Variants in SNTG2 observed in about 807,000 individuals in gnomAD.
The protein encoded by SNTG2 is gamma-2-syntrophin.
SNTG2 carries 74 observed loss-of-function variants against 70.9 expected under a neutral mutation model. The observed-to-expected ratio is 1.04, with a 90% CI of 0.86 to 1.27. The LOEUF is 1.27. Among genes scored for constraint, SNTG2 ranks in the 50% most tolerant of loss-of-function variants. The probability of loss-of-function intolerance (pLI) is 0.00; values close to 1 mark genes in which losing one functional copy is unlikely to be tolerated. For synonymous variants in SNTG2, 278 were observed against 273.8 expected (o/e 1.02, Z -0.15); for missense variants, 717 against 690.7 (o/e 1.04, Z -0.43).
At position 1,053,938 on chromosome 2, in the gene SNTG2, C is replaced by G. The variant is rs548314639; in HGVS notation, c.73-29580C>G. ...CCCTCCTCTCCTCCCTCCCGCCCCC[C>G]TCTTGCTTCCATATGAGTGGGAGAC... On this transcript the variant is annotated intron_variant, in intron 1 of 16. Coordinates refer to ENST00000308624, the MANE Select transcript of SNTG2 (RefSeq NM_018968.4). Among the ~76,000 whole-genome samples the G allele has an allele frequency of 1.2e-3, 178 of 151,796 alleles. 1 individual carries two copies. Among genetic ancestry groups the G allele is most frequent in the African/African-American group, 4.1e-3 (170 of 41,348 alleles).
intron 11 of SNTG2, among the ~76,000 whole-genome samples, chr2:1,244,477 A>G (rs28671706): frequency 6.6e-6 from 1 of 152,096 alleles, no homozygotes; most frequent in African/African-American, 2.4e-5. Context: ...CTGGCGGATC[A>G]CGAGGGCAGG....
chr2:1,309,515 G>A (rs1272406297), intron 15 of SNTG2, among the ~76,000 whole-genome samples: 1 of 152,256 alleles, frequency 6.6e-6, no homozygotes, highest in East Asian at 1.9e-4. Context: ...TCTATTGTCA[G>A]GACTTGGTGG....
intron 14 of SNTG2, among the ~76,000 whole-genome samples, chr2:1,306,259 G>A (rs9752291): frequency 0.03 from 4,570 of 152,016 alleles, 210 homozygotes; most frequent in African/African-American, 0.1. Flanking sequence ...TGTGTGTGGC[G>A]TTGGCTGGAT....
chr2:1,043,453 T>TG (rs1251104455), intron 1 of SNTG2, among the ~76,000 whole-genome samples: 3 of 152,224 alleles, frequency 2.0e-5, no homozygotes, highest in Non-Finnish European at 2.9e-5. Context: ...TTGTTTCTGT[T>TG]GCAATTGCAT....
At chr2:1,326,546 A>G (rs955389715) in intron 16 of SNTG2, among the ~76,000 whole-genome samples, 5 of 152,194 alleles carry the variant, frequency 3.3e-5, no homozygotes, top group African/African-American at 1.2e-4. Context: ...GCAGTTTTCG[A>G]AACAATTAAC....
intron 16 of SNTG2, among the ~76,000 whole-genome samples, chr2:1,338,061 T>C (rs1659906424): frequency 6.6e-6 from 1 of 152,232 alleles, no homozygotes; most frequent in South Asian, 2.1e-4. Context: ...ATTCCATTCA[T>C]CTGTATGTCT....
chr2:1,162,528 G>A (rs115613277), intron 6 of SNTG2, among the ~76,000 whole-genome samples: 5,300 of 152,170 alleles, frequency 0.035, 314 homozygotes, highest in African/African-American at 0.12. Flanking sequence ...TACAGTGGCT[G>A]TCACTTGCTG....
chr2:979,776 T>G (rs1332338483), intron 1 of SNTG2, among the ~76,000 whole-genome samples: 2 of 152,338 alleles, frequency 1.3e-5, no homozygotes, highest in Non-Finnish European at 2.9e-5. Flanking sequence ...TTTTCCATTT[T>G]AAGATCTTTT....
At chr2:1,096,086 T>C (rs993005790) in intron 2 of SNTG2, among the ~76,000 whole-genome samples, 5 of 152,192 alleles carry the variant, frequency 3.3e-5, no homozygotes, top group Non-Finnish European at 7.3e-5. Context: ...ACCGTCCATG[T>C]GTTGAGGAGG....
At chr2:1,082,866 A>G (rs1459750326) in intron 1 of SNTG2, among the ~76,000 whole-genome samples, 1 of 152,214 alleles carries the variant, frequency 6.6e-6, no homozygotes, top group Non-Finnish European at 1.5e-5. Context: ...ATCTGCTGAC[A>G]AAGCTGATAG....
chr2:1,166,404 C>T (rs1351661936), intron 7 of SNTG2, among the ~76,000 whole-genome samples: 1 of 152,154 alleles, frequency 6.6e-6, no homozygotes, highest in African/African-American at 2.4e-5. Flanking sequence ...GCTGTCCTTC[C>T]TGTCACTCTC....
chr2:995,101 T>G (rs1017099868), intron 1 of SNTG2, among the ~76,000 whole-genome samples: 7 of 152,006 alleles, frequency 4.6e-5, no homozygotes, highest in Non-Finnish European at 8.8e-5. Flanking sequence ...CAGTAAAATG[T>G]TAAATGGAAG....
intron 6 of SNTG2, among the ~76,000 whole-genome samples, chr2:1,158,779 C>T (rs949330034): frequency 7.9e-5 from 12 of 152,088 alleles, no homozygotes; most frequent in East Asian, 5.8e-4. Context: ...CAAGAGAGAG[C>T]GCTGTCGTTG....
At chr2:1,157,767 G>C (rs1272603397) in intron 6 of SNTG2, among the ~76,000 whole-genome samples, 2 of 152,188 alleles carry the variant, frequency 1.3e-5, no homozygotes, top group Admixed American at 6.5e-5. Flanking sequence ...TCAGCTTCTG[G>C]TGTGCACAGA....
chr2:1,315,849 T>C (rs1483326311), intron 15 of SNTG2, among the ~76,000 whole-genome samples: 1 of 152,182 alleles, frequency 6.6e-6, no homozygotes, highest in Non-Finnish European at 1.5e-5. Flanking sequence ...TTATATAATA[T>C]AGGAAGAACT....
chr2:1,159,125 T>TATGC (rs1670101637), intron 6 of SNTG2, among the ~76,000 whole-genome samples: 1 of 121,618 alleles, frequency 8.2e-6, no homozygotes, highest in South Asian at 2.9e-4. Flanking sequence ...CGTGTGTGTG[T>TATGC]ATGCATGGGT....
At chr2:1,327,355 T>G (rs1222318232) in intron 16 of SNTG2, among the ~76,000 whole-genome samples, 1 of 152,198 alleles carries the variant, frequency 6.6e-6, no homozygotes, top group Non-Finnish European at 1.5e-5. Flanking sequence ...ATTTAATAAT[T>G]GCTGTCTTAG....
intron 1 of SNTG2, among the ~76,000 whole-genome samples, chr2:1,033,944 T>C (rs901399211): frequency 3.3e-5 from 5 of 152,242 alleles, no homozygotes; most frequent in Non-Finnish European, 5.9e-5. Context: ...ACTTGAAATA[T>C]TATTTTCTTC....
intron 1 of SNTG2, among the ~76,000 whole-genome samples, chr2:1,030,630 C>T (rs1558324864): frequency 6.6e-6 from 1 of 152,174 alleles, no homozygotes; most frequent in Non-Finnish European, 1.5e-5. Flanking sequence ...CTGTCAGAGG[C>T]ATGGTGAAGG....
Sources: allele counts gnomAD v4.1 joint callset (sites outside exome capture counted in the v4.1 genomes callset), GRCh38; gene constraint gnomAD v4.1.1; transcripts MANE v1.5; gene names NCBI Gene and HGNC (gene_info 2026-07-23, HGNC 2026-07-21).